Variants in VSIG10 observed in about 807,000 individuals in gnomAD.
The protein encoded by VSIG10 is V-set and immunoglobulin domain-containing protein 10.
VSIG10 carries 48 observed loss-of-function variants against 58.7 expected under a neutral mutation model. The observed-to-expected ratio is 0.82, with a 90% CI of 0.65 to 1.04. The LOEUF (loss-of-function observed/expected upper bound fraction) is 1.04. Ranked by LOEUF, VSIG10 falls within the 50% of genes least tolerant of loss-of-function variation. The probability of loss-of-function intolerance (pLI) is 0.00; values close to 1 mark genes in which losing one functional copy is unlikely to be tolerated. For missense variants in VSIG10, 628 were observed against 670.0 expected (o/e 0.94, Z 0.69); for synonymous variants, 260 against 267.1 (o/e 0.97, Z 0.26).
In VSIG10 at chr12:118,065,019, G is replaced by A. The variant is rs1048472895; in HGVS notation, c.*1620C>T. The A allele has an allele frequency of 3.9e-5, 6 of 152,112 alleles. No individual in the cohort carries two copies. The highest frequency in any genetic ancestry group is 9.7e-5 in the African/African-American group (4 of 41,410). The allele number at this position is 152,112 out of a possible 1,614,324, so 9.4% of individuals were successfully genotyped here. On this transcript the variant is annotated 3_prime_UTR_variant, in exon 9 of 9. Transcript: ENST00000359236. ...TCCATTGCACCCTTATAAGGTCCTC[G>A]ACTTTAAGAAATTTATATGAAATCG...
intron 2 of VSIG10, among the ~76,000 whole-genome samples, chr12:118,090,433 C>G (rs547087113): frequency 6.6e-6 from 1 of 152,276 alleles, no homozygotes; most frequent in East Asian, 1.9e-4. Flanking sequence ...TCGTAGATAC[C>G]AAAGGTTAGG....
chr12:118,103,841 G>T lies in VSIG10; in HGVS notation c.-170C>A. 1 of 596,586 alleles carries T rather than the reference G, an allele frequency of 1.7e-6. No homozygotes were observed. Among genetic ancestry groups the T allele is most frequent in the Non-Finnish European group, 2.6e-6 (1 of 385,942 alleles). 37.0% of individuals were successfully genotyped at this position (596,586 alleles called of 1,614,324 possible). A position where few individuals can be genotyped will look rare whatever the true frequency, so the allele number is the denominator to read the frequency against. ...GATGCTTGGCTGAGCCGAGTGTCCA[G>T]GGCCGGCAGCGGAGCTCGGCTGCAG... On this transcript the variant is annotated 5_prime_UTR_variant, in exon 1 of 9. It adds an upstream start codon to the 5' untranslated region. Coordinates refer to ENST00000359236, the MANE Select transcript of VSIG10 (RefSeq NM_019086.6).
chr12:118,084,583 C>T (rs2033062143), intron 2 of VSIG10, among the ~76,000 whole-genome samples: 1 of 152,018 alleles, frequency 6.6e-6, no homozygotes, highest in African/African-American at 2.4e-5. Flanking sequence ...ATCTCTGCTA[C>T]AGATAAGCTT....
Position 118,068,461 on chromosome 12 carries a change from G to A in VSIG10, c.1483C>T (p.Pro495Ser). The A allele has an allele frequency of 1.2e-6, 2 of 1,613,620 alleles. No individual in the cohort carries two copies. The highest frequency in any genetic ancestry group is 1.7e-6 in the Non-Finnish European group (2 of 1,179,824). ...ACTCTGTGAATGTGGTCCTGCTTAGGTATTTCTTTTGGCAACTCCTCTCTC... is the reference window on the plus strand; with the variant it reads ...ACTCTGTGAATGTGGTCCTGCTTAGATATTTCTTTTGGCAACTCCTCTCTC... Reference protein sequence around the residue: ...REREELPKEIPKQDHIHRVTA... With the variant: ...REREELPKEISKQDHIHRVTA... The change falls in exon 8 of 9, where the codon CCT (proline) becomes TCT (serine). Residue 495 changes from proline (P) to serine (S), a missense_variant. Physicochemically the swap from Pro to Ser is moderately conservative, Grantham distance 74. Coordinates refer to ENST00000359236, the MANE Select transcript of VSIG10 (RefSeq NM_019086.6).
At chr12:118,087,855 A>AAAGAG (rs766337791) in intron 2 of VSIG10, among the ~76,000 whole-genome samples, 9 of 131,238 alleles carry the variant, frequency 6.9e-5, no homozygotes, top group South Asian at 5.2e-4. Flanking sequence ...AAAAAAAAAA[A>AAAGAG]AGAGAGAGAA....
chr12:118,089,612 AC>A (rs1335187535), intron 2 of VSIG10, among the ~76,000 whole-genome samples: 3 of 151,836 alleles, frequency 2.0e-5, no homozygotes, highest in African/African-American at 2.4e-5. Flanking sequence ...TTTTTAATGC[AC>A]CCCCTTCATT....
At chr12:118,088,323 C>T (rs756673022) in intron 2 of VSIG10, among the ~76,000 whole-genome samples, 8 of 151,804 alleles carry the variant, frequency 5.3e-5, no homozygotes, top group Admixed American at 1.3e-4. Context: ...GGAATCCCAT[C>T]GCTGGCTTAA....
chr12:118,082,933 C>T (rs142190143), intron 2 of VSIG10, among the ~76,000 whole-genome samples: 20 of 151,186 alleles, frequency 1.3e-4, no homozygotes, highest in East Asian at 5.9e-4. Flanking sequence ...GCCAACATGA[C>T]GAAACCCTGT....
At chr12:118,093,019 G>A (rs1441829721) in intron 2 of VSIG10, among the ~76,000 whole-genome samples, 1 of 151,912 alleles carries the variant, frequency 6.6e-6, no homozygotes, top group Non-Finnish European at 1.5e-5. Context: ...GCTGGGCATG[G>A]TGGCTCACGC....
At position 118,098,270 on chromosome 12, in the gene VSIG10, TCCC is replaced by T. The variant is rs1592898203; in HGVS notation, c.80-2459_80-2457del. ...CCGCCTCTCCCTCTCTCTCCGCCTC[TCCC>T]TCTCTCTCCGCCTCTCCCTCTCTCT... On this transcript the variant is annotated intron_variant, in intron 1 of 8. Transcript: ENST00000359236. 2.2e-5 allele frequency among the ~76,000 whole-genome samples: 3 copies of T among 139,340 alleles called. No individual in the cohort carries two copies. In the East Asian group the frequency reaches 6.6e-4, roughly 31 times the overall value. The allele number at this position is 139,340 out of a possible 152,430, so 91.4% of individuals were successfully genotyped here. A position where few individuals can be genotyped will look rare whatever the true frequency, so the allele number is the denominator to read the frequency against.
intron 1 of VSIG10, among the ~76,000 whole-genome samples, chr12:118,103,379 G>A (rs2033669139): frequency 1.3e-5 from 2 of 152,134 alleles, no homozygotes; most frequent in Admixed American, 1.3e-4. Flanking sequence ...CCAGGAGGCT[G>A]GGGGTATCTC....
At chr12:118,080,240 T>G (rs1341529399) in intron 3 of VSIG10, among the ~76,000 whole-genome samples, 1 of 151,868 alleles carries the variant, frequency 6.6e-6, no homozygotes, top group African/African-American at 2.4e-5. Flanking sequence ...CCTCAGGTGA[T>G]CCACCCGCCT....
At position 118,066,274 on chromosome 12, in the gene VSIG10, G is replaced by A. The variant is rs539955446; in HGVS notation, c.*365C>T. On this transcript the variant is annotated 3_prime_UTR_variant, in exon 9 of 9. Coordinates refer to ENST00000359236, the MANE Select transcript of VSIG10 (RefSeq NM_019086.6). The stretch of plus-strand genomic sequence containing the variant: ...AAAAAAAAAAAAAAAAAAAAAAAGC[G>A]GCAAAAGGCACCAAGACCCAGTGCT... 1.0e-4 allele frequency: 14 copies of A among 140,468 alleles called. No homozygotes were observed. Among genetic ancestry groups the A allele is most frequent in the South Asian group, 1.9e-4 (1 of 5,370 alleles). The allele number at this position is 140,468 out of a possible 1,614,324, so 8.7% of individuals were successfully genotyped here.
At chr12:118,078,631 C>A (rs11068813) in intron 4 of VSIG10, among the ~76,000 whole-genome samples, 13 of 151,976 alleles carry the variant, frequency 8.6e-5, no homozygotes, top group Non-Finnish European at 1.6e-4. Flanking sequence ...GCACAGCCTA[C>A]GGAACTATGA....
intron 4 of VSIG10, among the ~76,000 whole-genome samples, chr12:118,075,884 T>C (rs949979553): frequency 3.9e-5 from 6 of 152,164 alleles, no homozygotes; most frequent in African/African-American, 1.4e-4. Context: ...TTCAGAGTGA[T>C]CAACTGCCCC....
In VSIG10 at chr12:118,074,041, C is replaced by A; in HGVS notation, c.926-49G>T. 3 of 1,506,838 alleles carry A rather than the reference C, an allele frequency of 2.0e-6. No homozygotes were observed. In the South Asian group the frequency reaches 4.1e-5, roughly 21 times the overall value. 93.3% of individuals were successfully genotyped at this position (1,506,838 alleles called of 1,614,324 possible). ...GACAAATGTTTAAAGAGATTCAAGTCATGGCCTGAGATCTGCAGGAAAACT... is the reference window on the plus strand; with the variant it reads ...GACAAATGTTTAAAGAGATTCAAGTAATGGCCTGAGATCTGCAGGAAAACT... On this transcript the variant is annotated intron_variant, in intron 4 of 8. Coordinates refer to ENST00000359236, the MANE Select transcript of VSIG10 (RefSeq NM_019086.6).
At chr12:118,074,075 TTTTTG>T (rs141835961) in intron 4 of VSIG10, 83 bp from the exon 5 acceptor site, 442 of 1,398,078 alleles carry the variant, frequency 3.2e-4, no homozygotes, top group Admixed American at 1.7e-3. Context: ...CTGCAGTAGT[TTTTTG>T]TTTTGTTTTG....
In VSIG10 at chr12:118,066,254, A is replaced by C. The variant is rs2032243561; in HGVS notation, c.*385T>G. 1 of 186,564 alleles carries C rather than the reference A, an allele frequency of 5.4e-6. No homozygotes were observed. Among genetic ancestry groups the C allele is most frequent in the African/African-American group, 2.5e-5 (1 of 40,062 alleles). The allele number at this position is 186,564 out of a possible 1,614,324, so 11.6% of individuals were successfully genotyped here. On this transcript the variant is annotated 3_prime_UTR_variant, in exon 9 of 9. Coordinates refer to ENST00000359236, the MANE Select transcript of VSIG10 (RefSeq NM_019086.6). ...GAGGGAGACTCCGTCTCAAAAAAAA[A>C]AAAAAAAAAAAAAAAAAGCGGCAAA...
In VSIG10 at chr12:118,101,008, C is replaced by T. The variant is rs75167196; in HGVS notation, c.79+2585G>A. ...AAGGAACAGTGGCTTGGAAAAAAGC[C>T]GTGGTGAAACTTTAGTCTTGGAACT... is the stretch of plus-strand genomic sequence containing the variant. On this transcript the variant is annotated intron_variant, in intron 1 of 8. Transcript: ENST00000359236. 3.1e-3 allele frequency among the ~76,000 whole-genome samples: 468 copies of T among 152,314 alleles called. 12 individuals are homozygous for T. The East Asian group carries it at 0.071, about 23-fold the overall frequency.
Sources: gnomAD v4.1 joint callset for allele counts (sites outside exome capture counted in the v4.1 genomes callset) on GRCh38, gnomAD v4.1.1 for gene constraint, MANE v1.5 for transcripts, NCBI Gene and HGNC (gene_info 2026-07-23, HGNC 2026-07-21) for gene names.